The following TMPRSS15 variants were observed in gnomAD, a reference collection of about 807,000 sequenced individuals.
TMPRSS15 encodes enteropeptidase.
A neutral mutation model predicts 125.3 loss-of-function variants in TMPRSS15; 128 were observed. The ratio of observed to expected loss-of-function variants is 1.02; its 90% CI spans 0.89 to 1.18. The LOEUF (loss-of-function observed/expected upper bound fraction) is 1.18, where lower values mean the gene tolerates loss of function less well. TMPRSS15 is among the 50% of genes most tolerant of loss of function. TMPRSS15 has a pLI of 0.00. For missense variants in TMPRSS15, 1,283 were observed against 1,212.7 expected, an observed-to-expected ratio of 1.06 and a Z score of -0.86; for synonymous variants, 446 against 423.2, an observed-to-expected ratio of 1.05 and a Z score of -0.66.
intron 16 of TMPRSS15, among the ~76,000 whole-genome samples, chr21:18,316,847 T>A (rs1489917095): frequency 6.6e-6 from 1 of 152,090 alleles, no homozygotes; most frequent in Non-Finnish European, 1.5e-5. Flanking sequence ...GCTTTCTGAT[T>A]ATGGCTTAGG....
At chr21:18,405,402 A>G (rs1015113140), upstream of TMPRSS15, among the ~76,000 whole-genome samples, 8 of 152,184 alleles carry the variant, frequency 5.3e-5, no homozygotes, top group Admixed American at 2.6e-4. Flanking sequence ...GACAGACTGA[A>G]ATTAAACAAA....
At chr21:18,289,195 A>T (rs2074803463) in intron 21 of TMPRSS15, among the ~76,000 whole-genome samples, 1 of 152,164 alleles carries the variant, frequency 6.6e-6, no homozygotes, top group South Asian at 2.1e-4. Context: ...TAGTTATATC[A>T]GTTTACTAAA....
At position 18,432,429 on chromosome 21, in the gene TMPRSS15, C is replaced by CG. The variant is rs576947375; in HGVS notation, c.11-34101_11-34100insC. On this transcript the variant is annotated intron_variant, in intron 1 of 7. Coordinates refer to the TMPRSS15 transcript ENST00000422787. ...GTTGAAGTCCTAAATCTCAGTACCT[C>CG]AGATTGCCACCTTGTTAGGAAACAG... Among the ~76,000 whole-genome samples, 18 of 152,276 alleles carry CG rather than the reference C, an allele frequency of 1.2e-4. No individual in the cohort carries two copies. In the East Asian group the frequency reaches 3.5e-3, roughly 29 times the overall value.
chr21:18,365,093 A>G, intron 7 of TMPRSS15, 47 bp downstream of exon 7: 1 of 1,524,058 alleles, frequency 6.6e-7, no homozygotes, highest in Non-Finnish European at 9.1e-7. Flanking sequence ...TTGCATCAGA[A>G]AAACGCTTTA....
intron 1 of TMPRSS15, among the ~76,000 whole-genome samples, chr21:18,411,851 T>C (rs956905752): frequency 3.3e-5 from 5 of 152,160 alleles, no homozygotes; most frequent in African/African-American, 1.2e-4. Flanking sequence ...CTGAACCGCA[T>C]AGCACTTAAC....
rs1052780656 is a variant in TMPRSS15, at chr21:18,269,117, G to T, written c.*852C>A. 1 of 152,124 alleles carries T rather than the reference G, an allele frequency of 6.6e-6. No individual in the cohort carries two copies. Among genetic ancestry groups the T allele is most frequent in the Non-Finnish European group, 1.5e-5 (1 of 68,030 alleles). The allele number at this position is 152,124 out of a possible 1,614,324, so 9.4% of individuals were successfully genotyped here. ...AAATGATCCAAGGGATTAAACAAGT[G>T]AAGCAAATTCATTTATTACACATAT... On this transcript the variant is annotated 3_prime_UTR_variant, in exon 25 of 25. Transcript: ENST00000284885.
chr21:18,353,873 A>G lies in TMPRSS15; in HGVS notation c.881-10T>C. ...GTTTCCCAAATAGAAGCTACAAAAT[A>G]AAATAAACAACTGTTATATGTATAT... On this transcript the variant is annotated splice_polypyrimidine_tract_variant and intron_variant, in intron 8 of 24. Transcript: ENST00000284885. The G allele has an allele frequency of 6.2e-7, 1 of 1,607,842 alleles. No individual in the cohort carries two copies. The highest frequency in any genetic ancestry group is 8.5e-7 in the Non-Finnish European group (1 of 1,175,136).
intron 18 of TMPRSS15, among the ~76,000 whole-genome samples, chr21:18,300,211 T>TTTCC (rs1555893974): frequency 5.8e-4 from 5 of 8,608 alleles, no homozygotes; most frequent in Middle Eastern, 0.056. Context: ...TTTCTTTCTT[T>TTTCC]TTCTTTCTCT....
intron 13 of TMPRSS15, among the ~76,000 whole-genome samples, chr21:18,337,816 A>C (rs2075406922): frequency 6.6e-6 from 1 of 152,218 alleles, no homozygotes; most frequent in Admixed American, 6.5e-5. Context: ...CTGGAACCAA[A>C]AAAGCTCTAC....
intron 1 of TMPRSS15, among the ~76,000 whole-genome samples, chr21:18,453,624 G>A (rs1469389463): frequency 1.3e-5 from 2 of 152,066 alleles, no homozygotes; most frequent in African/African-American, 2.4e-5. Flanking sequence ...TAGAACTACT[G>A]TATGATTCAG....
intron 1 of TMPRSS15, among the ~76,000 whole-genome samples, chr21:18,424,188 G>C (rs1204458131): frequency 6.6e-6 from 1 of 152,068 alleles, no homozygotes; most frequent in Admixed American, 6.6e-5. Context: ...TATTCTTTAA[G>C]CTTACATTTA....
chr21:18,331,591 AGCTATCT>A (rs1446968335), intron 14 of TMPRSS15, among the ~76,000 whole-genome samples: 1 of 152,230 alleles, frequency 6.6e-6, no homozygotes, highest in African/African-American at 2.4e-5. Flanking sequence ...ACATTACTGT[AGCTATCT>A]GCTTTATTGG....
At chr21:18,351,791 C>G (rs1316730241) in intron 10 of TMPRSS15, among the ~76,000 whole-genome samples, 1 of 151,838 alleles carries the variant, frequency 6.6e-6, no homozygotes, top group Non-Finnish European at 1.5e-5. Context: ...GAAAAGAATA[C>G]TGTGGTAAAA....
Position 18,352,774 on chromosome 21 carries a change from A to G in TMPRSS15, c.1171+129T>C, listed in dbSNP as rs1232986438. On this transcript the variant is annotated intron_variant, in intron 10 of 24. Transcript: ENST00000284885. ...TACCATTTTTCATTTAATTAATTGAATTTTTAAAAAACCCAAAAAGACTTT... is the reference window on the plus strand; with the variant it reads ...TACCATTTTTCATTTAATTAATTGAGTTTTTAAAAAACCCAAAAAGACTTT... 8 of 943,652 alleles carry G rather than the reference A, an allele frequency of 8.5e-6. No homozygotes were observed. In the East Asian group the frequency reaches 9.8e-5, roughly 12 times the overall value. 58.5% of individuals were successfully genotyped at this position (943,652 alleles called of 1,614,324 possible).
At chr21:18,277,250 T>C (rs2824715) in intron 23 of TMPRSS15, among the ~76,000 whole-genome samples, 44,788 of 151,986 alleles carry the variant, frequency 0.29, 8,976 homozygotes, top group African/African-American at 0.58. Context: ...TTTCTTAAGT[T>C]AATCAGACAT....
intron 9 of TMPRSS15, among the ~76,000 whole-genome samples, 195 bp from the exon 10 acceptor site, chr21:18,353,247 T>C (rs2075589238): frequency 6.6e-6 from 1 of 151,868 alleles, no homozygotes; most frequent in Non-Finnish European, 1.5e-5. Flanking sequence ...TTGCCAACTG[T>C]GTTAAATTAA....
At chr21:18,351,648 C>T (rs1171964790) in intron 10 of TMPRSS15, among the ~76,000 whole-genome samples, 2 of 152,136 alleles carry the variant, frequency 1.3e-5, no homozygotes, top group African/African-American at 4.8e-5. Context: ...CCCAGCCATG[C>T]AGAACTATGA....
At chr21:18,420,223 T>A (rs1011688742) in intron 1 of TMPRSS15, among the ~76,000 whole-genome samples, 1 of 152,202 alleles carries the variant, frequency 6.6e-6, no homozygotes, top group African/African-American at 2.4e-5. Context: ...CAATGAATGG[T>A]TTGGATGAGG....
chr21:18,409,674 C>T (rs1176182809), intron 1 of TMPRSS15, among the ~76,000 whole-genome samples: 2 of 151,976 alleles, frequency 1.3e-5, no homozygotes, highest in East Asian at 1.9e-4. Context: ...TATTCAAATT[C>T]TGGATTTTGT....
Sources: gnomAD v4.1 joint callset for allele counts (sites outside exome capture counted in the v4.1 genomes callset) on GRCh38, gnomAD v4.1.1 for gene constraint, MANE v1.5 for transcripts, NCBI Gene and HGNC (gene_info 2026-07-23, HGNC 2026-07-21) for gene names.